The following BCL11B variants were observed in gnomAD, a reference collection of about 807,000 sequenced individuals.
BCL11B encodes the protein B-cell lymphoma/leukemia 11B.
BCL11B carries 8 observed loss-of-function variants against 49.9 expected under a neutral mutation model. The ratio of observed to expected loss-of-function variants is 0.16; its 90% confidence interval spans 0.09 to 0.29. BCL11B has a LOEUF of 0.29. Ranked by LOEUF, BCL11B falls within the 10% of genes least tolerant of loss-of-function variation. The pLI, the probability that BCL11B is intolerant of heterozygous loss-of-function variation, is 1.00. For missense variants in BCL11B, 1,006 were observed against 1,351.0 expected (o/e 0.74, Z 4.00); for synonymous variants, 739 against 637.4 (o/e 1.16, Z -2.40).
chr14:99,188,909 G>A (rs1886942075), intron 3 of BCL11B, among the ~76,000 whole-genome samples: 1 of 152,208 alleles, frequency 6.6e-6, no homozygotes, highest in African/African-American at 2.4e-5. Context: ...GCTTGTCACC[G>A]AGCACAAAAG....
In BCL11B at chr14:99,174,886, C is replaced by G. The variant is rs974081519; in HGVS notation, c.1950G>C (p.Ala650=). The stretch of plus-strand genomic sequence containing the variant: ...CGAAGCCGCCCCCGCGCCCGTTGAC[C>G]GCGCCGCCCGCGCCCGCGTCCCCGC... ...GGCGDAGAGG[A]VNGRGGGFAP... Residue 650 remains alanine (A), a synonymous_variant, in exon 4 of 4, where the codon GCG becomes GCC. Coordinates refer to ENST00000357195, the MANE Select transcript of BCL11B (RefSeq NM_138576.4). The G allele has an allele frequency of 1.9e-6, 2 of 1,071,024 alleles. No individual in the cohort carries two copies. Among genetic ancestry groups the G allele is most frequent in the African/African-American group, 1.7e-5 (1 of 58,200 alleles). 66.3% of individuals were successfully genotyped at this position (1,071,024 alleles called of 1,614,324 possible).
intron 3 of BCL11B, among the ~76,000 whole-genome samples, chr14:99,196,165 G>A (rs1280633693): frequency 6.6e-6 from 1 of 152,064 alleles, no homozygotes; most frequent in Non-Finnish European, 1.5e-5. Flanking sequence ...CATTCCCAAA[G>A]GCAAACACCA....
chr14:99,233,080 G>C (rs1164246445), intron 2 of BCL11B, among the ~76,000 whole-genome samples: 1 of 152,180 alleles, frequency 6.6e-6, no homozygotes, highest in African/African-American at 2.4e-5. Context: ...CTCAGATGCT[G>C]AGGGGAAGGC....
intron 3 of BCL11B, among the ~76,000 whole-genome samples, chr14:99,176,982 G>A (rs1169834594): frequency 6.6e-6 from 1 of 152,002 alleles, no homozygotes; most frequent in Non-Finnish European, 1.5e-5. Context: ...TTTAGCTATA[G>A]GAAATTCTCG....
intron 1 of BCL11B, among the ~76,000 whole-genome samples, chr14:99,266,047 G>C (rs1260826511): frequency 3.9e-5 from 6 of 152,184 alleles, no homozygotes; most frequent in Admixed American, 1.3e-4. Context: ...CATCCATAAA[G>C]GACAACTGTT....
chr14:99,188,386 C>T (rs189744197), intron 3 of BCL11B, among the ~76,000 whole-genome samples: 1 of 152,200 alleles, frequency 6.6e-6, no homozygotes. Flanking sequence ...GTTCAGAGAC[C>T]ATTACCCAGT....
intron 3 of BCL11B, among the ~76,000 whole-genome samples, chr14:99,207,466 T>G (rs138223032): frequency 6.6e-6 from 1 of 152,108 alleles, no homozygotes; most frequent in Non-Finnish European, 1.5e-5. Flanking sequence ...GGCACTCACC[T>G]CAGTCACTTC....
chr14:99,263,700 C>T (rs1889402952), intron 1 of BCL11B, among the ~76,000 whole-genome samples: 1 of 152,182 alleles, frequency 6.6e-6, no homozygotes, highest in Non-Finnish European at 1.5e-5. Flanking sequence ...TCCCCCACTG[C>T]ACACACCTCT....
At chr14:99,181,153 T>A (rs1390383305) in intron 3 of BCL11B, among the ~76,000 whole-genome samples, 5 of 152,110 alleles carry the variant, frequency 3.3e-5, no homozygotes, top group Non-Finnish European at 7.3e-5. Context: ...TGGGTGAGAT[T>A]TAGTGGCCCA....
At chr14:99,217,565 G>A (rs536356428) in intron 3 of BCL11B, among the ~76,000 whole-genome samples, 1 of 152,324 alleles carries the variant, frequency 6.6e-6, no homozygotes, top group South Asian at 2.1e-4. Flanking sequence ...TTTCTTGCAG[G>A]TCCGCTCAGA....
At chr14:99,268,279 C>T (rs539893419) in intron 1 of BCL11B, among the ~76,000 whole-genome samples, 1 of 152,022 alleles carries the variant, frequency 6.6e-6, no homozygotes, top group Non-Finnish European at 1.5e-5. Context: ...CCCCCCTCTC[C>T]CCTCCCCACC....
chr14:99,209,801 T>C (rs1382683114), intron 3 of BCL11B, among the ~76,000 whole-genome samples: 1 of 152,158 alleles, frequency 6.6e-6, no homozygotes, highest in African/African-American at 2.4e-5. Flanking sequence ...CCTTGCCTTC[T>C]GTGCACCTTG....
chr14:99,176,331 C>T (rs996233104), intron 3 of BCL11B, 136 bp from the exon 4 acceptor site: 29 of 812,356 alleles, frequency 3.6e-5, no homozygotes, highest in Non-Finnish European at 1.8e-6. Context: ...ACAGGGGCTG[C>T]AGGGCCGCTT....
In BCL11B at chr14:99,269,515, T is replaced by TCCC. The variant is rs61216322; in HGVS notation, c.58+1643_58+1645dup. Among the ~76,000 whole-genome samples, 157 of 120,652 alleles carry TCCC rather than the reference T, an allele frequency of 1.3e-3. 3 individuals are homozygous for TCCC. The highest frequency in any genetic ancestry group is 3.7e-3 in the African/African-American group (128 of 34,894). 79.2% of individuals were successfully genotyped at this position (120,652 alleles called of 152,430 possible). A position where few individuals can be genotyped will look rare whatever the true frequency, so the allele number is the denominator to read the frequency against. Reference sequence around the variant, plus strand: ...AGGCGAATCCCACTTTAATTTCTATTCCCCCCCCCCCAAAAAAAATCATAA... The same window carrying TCCC: ...AGGCGAATCCCACTTTAATTTCTATTCCCCCCCCCCCCCCAAAAAAAATCATAA... On this transcript the variant is annotated intron_variant, in intron 1 of 3. Coordinates refer to ENST00000357195, the MANE Select transcript of BCL11B (RefSeq NM_138576.4).
At chr14:99,243,693 A>G (rs139144346) in intron 2 of BCL11B, among the ~76,000 whole-genome samples, 2,176 of 152,252 alleles carry the variant, frequency 0.014, 60 homozygotes, top group African/African-American at 0.05. Flanking sequence ...AACAAATATT[A>G]TTGAACCTCT....
intron 3 of BCL11B, among the ~76,000 whole-genome samples, chr14:99,221,904 C>G (rs983969075): frequency 6.6e-6 from 1 of 152,160 alleles, no homozygotes; most frequent in African/African-American, 2.4e-5. Context: ...CATGTATGAC[C>G]AGCGTATGAA....
intron 1 of BCL11B, among the ~76,000 whole-genome samples, chr14:99,267,952 G>A (rs1889534342): frequency 6.6e-6 from 1 of 152,126 alleles, no homozygotes; most frequent in Non-Finnish European, 1.5e-5. Context: ...TTGGATTTAA[G>A]TACTCTTCCC....
intron 1 of BCL11B, among the ~76,000 whole-genome samples, chr14:99,269,141 A>ACCCCCCCCCCCCCCCCCCCCCCCCACCCC (rs1889572722): frequency 8.9e-6 from 1 of 112,722 alleles, no homozygotes; most frequent in Non-Finnish European, 2.0e-5. Context: ...ACCCCCATCC[A>ACCCCCCCCCCCCCCCCCCCCCCCCACCCC]CTCCCCCTTC....
intron 2 of BCL11B, among the ~76,000 whole-genome samples, chr14:99,238,589 G>T (rs1271482242): frequency 6.6e-6 from 1 of 152,168 alleles, no homozygotes; most frequent in Non-Finnish European, 1.5e-5. Context: ...AACCACGGAG[G>T]TGGAGGGGGC....
Sources: allele counts gnomAD v4.1 joint callset (sites outside exome capture counted in the v4.1 genomes callset), GRCh38; gene constraint gnomAD v4.1.1; transcripts MANE v1.5; gene names NCBI Gene and HGNC (gene_info 2026-07-23, HGNC 2026-07-21).